The following NAV3 variants were observed in gnomAD, a reference collection of about 807,000 sequenced individuals.
The protein encoded by NAV3 is neuron navigator 3, also known as pore membrane and/or filament interacting like protein 1.
Under a neutral mutation model 244.7 loss-of-function variants are expected in NAV3, and 87 were observed. The observed-to-expected ratio is 0.36, with a 90% confidence interval of 0.30 to 0.42. NAV3 has a LOEUF of 0.42. NAV3 is among the 20% of genes least tolerant of loss of function. The probability of loss-of-function intolerance (pLI) is 1.00; values close to 1 mark genes in which losing one functional copy is unlikely to be tolerated. For missense variants in NAV3, 2,663 were observed against 2,893.3 expected (o/e 0.92, Z 1.83); for synonymous variants, 1,126 against 1,042.2 (o/e 1.08, Z -1.55).
intron 2 of NAV3, among the ~76,000 whole-genome samples, chr12:77,677,623 T>C (rs775815952): frequency 2.0e-5 from 3 of 152,216 alleles, no homozygotes; most frequent in Non-Finnish European, 4.4e-5. Context: ...AAAATGGACA[T>C]GTACCAGTGC....
At chr12:77,586,814 GGACAGCACACATA>G (rs1869636346) in intron 2 of NAV3, among the ~76,000 whole-genome samples, 1 of 152,108 alleles carries the variant, frequency 6.6e-6, no homozygotes, top group Non-Finnish European at 1.5e-5. Flanking sequence ...CTGTTATGTT[GGACAGCACACATA>G]TAGAACATTT....
At chr12:78,065,830 T>C (rs1414651341) in intron 12 of NAV3, among the ~76,000 whole-genome samples, 2 of 152,146 alleles carry the variant, frequency 1.3e-5, no homozygotes. Flanking sequence ...TGATTTGCTC[T>C]GTTTTGTTTT....
intron 1 of NAV3, among the ~76,000 whole-genome samples, chr12:77,851,507 CTA>C (rs1461802981): frequency 6.7e-6 from 1 of 149,998 alleles, no homozygotes; most frequent in Non-Finnish European, 1.5e-5. Context: ...ACTTTTGAGA[CTA>C]TTTTGTCACA....
chr12:78,071,323 T>A (rs300420), intron 12 of NAV3, among the ~76,000 whole-genome samples: 28,366 of 151,924 alleles, frequency 0.19, 2,677 homozygotes, highest in South Asian at 0.24. Context: ...GTATCTTTTC[T>A]TGTGTTTTTT....
chr12:77,720,418 A>AG (rs1214946461), intron 2 of NAV3, among the ~76,000 whole-genome samples: 2 of 152,072 alleles, frequency 1.3e-5, no homozygotes, highest in Non-Finnish European at 2.9e-5. Flanking sequence ...TCCAATTAGA[A>AG]GGATTTACTG....
intron 2 of NAV3, among the ~76,000 whole-genome samples, chr12:77,691,333 G>A (rs200427271): frequency 0.8 from 78,295 of 98,392 alleles, 32,839 homozygotes; most frequent in East Asian, 0.96. Flanking sequence ...ATTTGTGTAT[G>A]TGTGTATATA....
intron 1 of NAV3, among the ~76,000 whole-genome samples, chr12:77,898,596 A>G (rs982958896): frequency 6.6e-6 from 1 of 152,240 alleles, no homozygotes; most frequent in African/African-American, 2.4e-5. Flanking sequence ...GGAAGATGAT[A>G]AACATAGGCC....
chr12:77,878,663 A>T, intron 1 of NAV3, among the ~76,000 whole-genome samples: 1 of 150,610 alleles, frequency 6.6e-6, no homozygotes, highest in Admixed American at 6.6e-5. Flanking sequence ...TAATGCTTAA[A>T]CTTCTAAAAA....
At chr12:77,734,477 A>G (rs1877255513) in intron 2 of NAV3, among the ~76,000 whole-genome samples, 1 of 152,090 alleles carries the variant, frequency 6.6e-6, no homozygotes, top group South Asian at 2.1e-4. Flanking sequence ...TCTAGAATGA[A>G]ACTAAATTTT....
chr12:77,997,336 G>A (rs1225737228), intron 6 of NAV3, among the ~76,000 whole-genome samples: 3 of 150,806 alleles, frequency 2.0e-5, no homozygotes, highest in African/African-American at 2.4e-5. Context: ...TATGTCAGTA[G>A]TATAAAATCA....
Position 78,122,443 on chromosome 12 carries a change from A to G in NAV3, c.4238+15A>G, listed in dbSNP as rs2138708458. The G allele has an allele frequency of 6.4e-7, 1 of 1,563,230 alleles. No individual in the cohort carries two copies. Among genetic ancestry groups the G allele is most frequent in the East Asian group, 2.2e-5 (1 of 44,598 alleles). The stretch of plus-strand genomic sequence containing the variant: ...CTCTCAGAAAGGTGAGCTTTCCTGG[A>G]GGCATTGATAACATCTTCCCCCTCT... On this transcript the variant is annotated intron_variant, in intron 16 of 39. Transcript: ENST00000397909.
intron 1 of NAV3, among the ~76,000 whole-genome samples, chr12:77,873,744 G>GTGTATATA (rs776225440): frequency 6.7e-4 from 49 of 73,184 alleles, no homozygotes; most frequent in African/African-American, 1.3e-3. Flanking sequence ...ATGTGTGTGT[G>GTGTATATA]TATATATATA....
chr12:77,623,291 C>T (rs1871465134), intron 2 of NAV3, among the ~76,000 whole-genome samples: 2 of 151,956 alleles, frequency 1.3e-5, no homozygotes, highest in South Asian at 4.2e-4. Context: ...CCTGTTTTTA[C>T]CCAGTGTTTC....
intron 7 of NAV3, among the ~76,000 whole-genome samples, chr12:78,005,073 G>A (rs1436966602): frequency 6.6e-6 from 1 of 152,048 alleles, no homozygotes; most frequent in East Asian, 1.9e-4. Flanking sequence ...AGTTAAAAAA[G>A]CATCCTGACT....
intron 2 of NAV3, among the ~76,000 whole-genome samples, chr12:77,646,776 T>C (rs112449045): frequency 5.9e-4 from 90 of 152,102 alleles, no homozygotes; most frequent in African/African-American, 2.1e-3. Flanking sequence ...ACTATGTATA[T>C]CAAAAGATCA....
chr12:77,912,324 A>G (rs928799753), intron 1 of NAV3, among the ~76,000 whole-genome samples: 1 of 152,144 alleles, frequency 6.6e-6, no homozygotes, highest in Non-Finnish European at 1.5e-5. Flanking sequence ...GAGGCAGAGA[A>G]TGAAGCCATG....
Position 77,660,177 on chromosome 12 carries a change from G to A in NAV3, c.72+87911G>A, listed in dbSNP as rs182437688. Among the ~76,000 whole-genome samples, 174 of 152,082 alleles carry A rather than the reference G, an allele frequency of 1.1e-3. 1 individual carries two copies. Among genetic ancestry groups the A allele is most frequent in the Non-Finnish European group, 2.4e-4 (16 of 68,004 alleles). On this transcript the variant is annotated intron_variant, in intron 2 of 8. Coordinates refer to the NAV3 transcript ENST00000550042. ...TGGTGATTAAATATATAAAATTAAT[G>A]TATCAGAAATTACTTATAGTGGGTG... is the stretch of plus-strand genomic sequence containing the variant.
At chr12:77,935,878 A>G (rs1234739097) in intron 1 of NAV3, among the ~76,000 whole-genome samples, 3 of 152,188 alleles carry the variant, frequency 2.0e-5, no homozygotes, top group Non-Finnish European at 4.4e-5. Flanking sequence ...ACGCACTTTC[A>G]GAAAAACCAG....
chr12:77,900,471 G>A (rs1052031888), intron 1 of NAV3, among the ~76,000 whole-genome samples: 1 of 152,144 alleles, frequency 6.6e-6, no homozygotes, highest in East Asian at 1.9e-4. Context: ...ATTCACTTAG[G>A]ATAATGGCCT....
Sources: allele counts gnomAD v4.1 joint callset (sites outside exome capture counted in the v4.1 genomes callset), GRCh38; gene constraint gnomAD v4.1.1; transcripts MANE v1.5; gene names NCBI Gene and HGNC (gene_info 2026-07-23, HGNC 2026-07-21).